The following SRFBP1 variants were observed in gnomAD, a reference collection of about 807,000 sequenced individuals.
SRFBP1 encodes serum response factor-binding protein 1.
Under a neutral mutation model 45.5 loss-of-function variants are expected in SRFBP1, and 47 were observed. The ratio of observed to expected loss-of-function variants is 1.03; its 90% confidence interval spans 0.82 to 1.32. The LOEUF (loss-of-function observed/expected upper bound fraction) is 1.32. Ranked by LOEUF, SRFBP1 falls within the 40% of genes most tolerant of loss-of-function variation. The pLI, the probability that SRFBP1 is intolerant of heterozygous loss-of-function variation, is 0.00. For missense variants in SRFBP1, 621 were observed against 484.6 expected (o/e 1.28, Z -2.64); for synonymous variants, 203 against 166.3 (o/e 1.22, Z -1.70).
At chr5:122,043,772 TC>T (rs1753807913) in intron 2 of SRFBP1, among the ~76,000 whole-genome samples, 1 of 152,134 alleles carries the variant, frequency 6.6e-6, no homozygotes, top group Non-Finnish European at 1.5e-5. Flanking sequence ...GGCCATAAGG[TC>T]TCTGTGGCAG....
intron 4 of SRFBP1, among the ~76,000 whole-genome samples, chr5:122,000,717 C>G (rs1158600931): frequency 6.6e-6 from 1 of 152,082 alleles, no homozygotes; most frequent in Non-Finnish European, 1.5e-5. Context: ...CTGACTGGTT[C>G]AGTGTGAATT....
downstream of SRFBP1, among the ~76,000 whole-genome samples, chr5:122,031,780 T>C (rs1753591456): frequency 2.0e-5 from 3 of 152,190 alleles, no homozygotes; most frequent in East Asian, 1.9e-4. Flanking sequence ...GGTTTATGCA[T>C]ACAGTGGACT....
At chr5:122,004,973 A>G (rs1752947376) in intron 4 of SRFBP1, among the ~76,000 whole-genome samples, 1 of 152,068 alleles carries the variant, frequency 6.6e-6, no homozygotes, top group South Asian at 2.1e-4. Flanking sequence ...TCCTTCTGTT[A>G]TTGATTTTTA....
intron 3 of SRFBP1, among the ~76,000 whole-genome samples, chr5:121,979,500 C>T (rs893653385): frequency 2.2e-4 from 34 of 152,228 alleles, no homozygotes; most frequent in African/African-American, 7.9e-4. Flanking sequence ...ACATTTTGTT[C>T]ATTTATTCTA....
intron 3 of SRFBP1, among the ~76,000 whole-genome samples, chr5:121,985,731 A>G (rs1239782635): frequency 6.6e-6 from 1 of 151,914 alleles, no homozygotes; most frequent in African/African-American, 2.4e-5. Flanking sequence ...ACCAAATGCC[A>G]TGTACTTTTC....
At chr5:122,031,888 A>G (rs924409971), downstream of SRFBP1, among the ~76,000 whole-genome samples, 7 of 152,252 alleles carry the variant, frequency 4.6e-5, no homozygotes, top group Admixed American at 2.0e-4. Context: ...TAAACACACA[A>G]TATGGTTCCA....
chr5:121,966,245 T>C (rs1561573626), intron 1 of SRFBP1, among the ~76,000 whole-genome samples: 1 of 152,324 alleles, frequency 6.6e-6, no homozygotes, highest in East Asian at 1.9e-4. Flanking sequence ...GAGATTAAGA[T>C]TAAAGTTTGT....
intron 2 of SRFBP1, among the ~76,000 whole-genome samples, chr5:122,036,317 A>T (rs539845609): frequency 6.6e-6 from 1 of 152,076 alleles, no homozygotes; most frequent in South Asian, 2.1e-4. Context: ...CAGGTGATTT[A>T]TATCTATGTG....
intron 3 of SRFBP1, among the ~76,000 whole-genome samples, chr5:121,981,489 A>G (rs1313390432): frequency 6.7e-6 from 1 of 149,602 alleles, no homozygotes; most frequent in East Asian, 2.0e-4. Context: ...GATATACAAG[A>G]CCCTTTGTGA....
chr5:122,051,484 TA>T (rs1753973764), intron 2 of SRFBP1, among the ~76,000 whole-genome samples: 1 of 152,138 alleles, frequency 6.6e-6, no homozygotes, highest in Non-Finnish European at 1.5e-5. Context: ...CTTGTTGAAT[TA>T]AACGCTTTAT....
intron 2 of SRFBP1, among the ~76,000 whole-genome samples, chr5:122,072,190 T>TG (rs1316346486): frequency 6.6e-6 from 1 of 152,176 alleles, no homozygotes; most frequent in Non-Finnish European, 1.5e-5. Context: ...GTGCTTATCT[T>TG]GCCTTCAAAT....
chr5:122,050,486 A>G (rs138633508), intron 2 of SRFBP1, among the ~76,000 whole-genome samples: 1 of 152,194 alleles, frequency 6.6e-6, no homozygotes, highest in Non-Finnish European at 1.5e-5. Context: ...GTATGTGTCC[A>G]GGAATTTATC....
chr5:122,050,340 C>G (rs1291320613), intron 2 of SRFBP1, among the ~76,000 whole-genome samples: 1 of 152,114 alleles, frequency 6.6e-6, no homozygotes, highest in Non-Finnish European at 1.5e-5. Context: ...CTTTATACAT[C>G]TGGTAGAATC....
rs1038753463 is a variant in SRFBP1 at position 121,976,647 on chromosome 5, T to C, written c.198+1260T>C. 2.6e-5 allele frequency among the ~76,000 whole-genome samples: 4 copies of C among 151,778 alleles called. No homozygotes were observed. In the East Asian group the frequency reaches 5.8e-4, roughly 22 times the overall value. On this transcript the variant is annotated intron_variant, in intron 3 of 7. Coordinates refer to ENST00000339397, the MANE Select transcript of SRFBP1 (RefSeq NM_152546.3). ...GTAATTTCTTCTGAATAGTCATTTT[T>C]GTAGTCTTAAATTATTCAGAGGCTT...
At chr5:121,983,552 T>C (rs1752455550) in intron 3 of SRFBP1, among the ~76,000 whole-genome samples, 1 of 151,808 alleles carries the variant, frequency 6.6e-6, no homozygotes, top group African/African-American at 2.4e-5. Context: ...GACTGCTTTA[T>C]CTGGTAATGT....
intron 3 of SRFBP1, among the ~76,000 whole-genome samples, chr5:121,983,628 T>TG (rs1370906714): frequency 6.6e-6 from 1 of 151,812 alleles, no homozygotes. Flanking sequence ...ACAAGTTTTT[T>TG]AAGCTTTTGT....
chr5:121,963,955 A>T (rs1215069624), intron 1 of SRFBP1, among the ~76,000 whole-genome samples: 3 of 152,164 alleles, frequency 2.0e-5, no homozygotes, highest in Non-Finnish European at 4.4e-5. Context: ...AAAAAAAAAT[A>T]CAGCAGATAT....
chr5:122,043,541 G>C (rs910631386), intron 2 of SRFBP1, among the ~76,000 whole-genome samples: 3 of 152,078 alleles, frequency 2.0e-5, no homozygotes, highest in African/African-American at 7.2e-5. Flanking sequence ...ACTTTCTTTT[G>C]TTTCTGTCAA....
chr5:121,982,464 A>G (rs1389296872), intron 3 of SRFBP1, among the ~76,000 whole-genome samples: 1 of 151,936 alleles, frequency 6.6e-6, no homozygotes, highest in African/African-American at 2.4e-5. Context: ...CATTTTTAAT[A>G]TATAGGAGTC....
Sources: allele counts gnomAD v4.1 joint callset (sites outside exome capture counted in the v4.1 genomes callset), GRCh38; gene constraint gnomAD v4.1.1; transcripts MANE v1.5; gene names NCBI Gene and HGNC (gene_info 2026-07-23, HGNC 2026-07-21).